VPS13A: variants seen among roughly 807,000 people sequenced by gnomAD.
The protein encoded by VPS13A is intermembrane lipid transfer protein VPS13A.
A neutral mutation model predicts 390.9 loss-of-function variants in VPS13A; 264 were observed. The observed-to-expected ratio is 0.68, with a 90% CI of 0.61 to 0.75. The LOEUF (loss-of-function observed/expected upper bound fraction) is 0.75. Among genes scored for constraint, VPS13A ranks in the 30% least tolerant of loss-of-function variants. The pLI is 0.00. For missense variants in VPS13A, 3,409 were observed against 3,733.9 expected, an observed-to-expected ratio of 0.91 and a Z score of 2.27; for synonymous variants, 1,231 against 1,227.1, an observed-to-expected ratio of 1.00 and a Z score of -0.07.
chr9:77,300,464 G>A (rs1828276030), intron 33 of VPS13A, among the ~76,000 whole-genome samples: 1 of 152,174 alleles, frequency 6.6e-6, no homozygotes, highest in Non-Finnish European at 1.5e-5. Context: ...GGGCACGTTG[G>A]CTTACGCCTG....
chr9:77,277,645 G>T (rs1208104718), intron 26 of VPS13A, among the ~76,000 whole-genome samples: 3 of 152,120 alleles, frequency 2.0e-5, no homozygotes, highest in Non-Finnish European at 4.4e-5. Context: ...AGTTTTACCA[G>T]CATGTCACAT....
At chr9:77,211,653 C>T (rs1825979813) in intron 7 of VPS13A, 1 of 152,152 alleles carries the variant, frequency 6.6e-6, no homozygotes, top group East Asian at 1.9e-4. Flanking sequence ...TACTCAAATA[C>T]TCTCATTAAG....
At position 77,416,038 on chromosome 9, in the gene VPS13A, A is replaced by G; in HGVS notation, c.*32A>G. On this transcript the variant is annotated 3_prime_UTR_variant, in exon 72 of 72. Coordinates refer to ENST00000360280, the MANE Select transcript of VPS13A (RefSeq NM_033305.3). ...ACACTGCCTGAAGACACACAGCAATAAGTGATTACAGCTCCTAGACTACCT... is the reference window on the plus strand; with the variant it reads ...ACACTGCCTGAAGACACACAGCAATGAGTGATTACAGCTCCTAGACTACCT... The G allele has an allele frequency of 6.2e-7, 1 of 1,611,940 alleles. No homozygotes were observed. Among genetic ancestry groups the G allele is most frequent in the Non-Finnish European group, 8.5e-7 (1 of 1,178,244 alleles).
chr9:77,397,133 G>A (rs1158076783), intron 68 of VPS13A, among the ~76,000 whole-genome samples: 1 of 152,076 alleles, frequency 6.6e-6, no homozygotes, highest in East Asian at 1.9e-4. Context: ...GGGATTACAG[G>A]CTCCTGCCAC....
intron 1 of VPS13A, among the ~76,000 whole-genome samples, chr9:77,182,324 C>G (rs1294055912): frequency 6.6e-6 from 1 of 152,176 alleles, no homozygotes; most frequent in Non-Finnish European, 1.5e-5. Context: ...GAACGCCTGA[C>G]CTCAAGTGAT....
chr9:77,217,814 T>G (rs1327371553), intron 10 of VPS13A, among the ~76,000 whole-genome samples: 1 of 151,778 alleles, frequency 6.6e-6, no homozygotes, highest in African/African-American at 2.4e-5. Flanking sequence ...TGGTTTCTTT[T>G]CTTTCGGGTA....
chr9:77,207,233 ATATATATATATATATATAT>A (rs1564630246), intron 5 of VPS13A, among the ~76,000 whole-genome samples: 3 of 106,808 alleles, frequency 2.8e-5, no homozygotes, highest in East Asian at 3.3e-4. Context: ...ATATATATAT[ATATATATATATATATATAT>A]AAAACGTGTT....
intron 22 of VPS13A, among the ~76,000 whole-genome samples, chr9:77,258,766 AAAG>A (rs1825594927): frequency 2.0e-5 from 3 of 152,142 alleles, no homozygotes; most frequent in Admixed American, 2.0e-4. Context: ...GATAAAGATT[AAAG>A]ATCTGTGCGA....
chr9:77,349,903 G>A (rs752405892), intron 52 of VPS13A, among the ~76,000 whole-genome samples: 5 of 151,806 alleles, frequency 3.3e-5, no homozygotes, highest in East Asian at 1.9e-4. Flanking sequence ...CTCGACCTCC[G>A]AAAGTGCTGG....
At chr9:77,330,903 C>T in intron 45 of VPS13A, among the ~76,000 whole-genome samples, 1 of 151,938 alleles carries the variant, frequency 6.6e-6, no homozygotes, top group East Asian at 1.9e-4. Flanking sequence ...ATTTCCAGTA[C>T]CATATTTTAA....
chr9:77,305,369 A>G (rs1828676359), intron 34 of VPS13A, among the ~76,000 whole-genome samples: 1 of 152,242 alleles, frequency 6.6e-6, no homozygotes, highest in Admixed American at 6.5e-5. Context: ...TCTTTTTAAG[A>G]TAAATATTTG....
At chr9:77,235,616 T>A (rs1824099278) in intron 17 of VPS13A, among the ~76,000 whole-genome samples, 1 of 152,192 alleles carries the variant, frequency 6.6e-6, no homozygotes, top group Middle Eastern at 3.2e-3. Context: ...CCATTATTTC[T>A]CCCAGTATTT....
intron 36 of VPS13A, 82 bp from the exon 37 acceptor site, chr9:77,314,413 A>G: frequency 7.1e-7 from 1 of 1,399,450 alleles, no homozygotes; most frequent in Non-Finnish European, 1.0e-6. Flanking sequence ...AGCAGAGGCA[A>G]TAATTTGTAG....
At position 77,280,144 on chromosome 9, in the gene VPS13A, A is replaced by G; in HGVS notation, c.2825-15A>G. 1 of 1,580,502 alleles carries G rather than the reference A, an allele frequency of 6.3e-7. No homozygotes were observed. The highest frequency in any genetic ancestry group is 2.0e-4 in the Middle Eastern group (1 of 5,120). ...CTTTCCGATGAAAAGATAATTTTTA[A>G]AAAATTATTTTTAGATGAAAACAAG... On this transcript the variant is annotated splice_polypyrimidine_tract_variant and intron_variant, in intron 26 of 71. Transcript: ENST00000360280.
chr9:77,412,129 G>A (rs1395510414), intron 71 of VPS13A, among the ~76,000 whole-genome samples: 4 of 152,092 alleles, frequency 2.6e-5, no homozygotes, highest in African/African-American at 7.2e-5. Flanking sequence ...AAAAGTCCAG[G>A]ACCAGATGGA....
chr9:77,407,444 G>T (rs1834677014), intron 70 of VPS13A, 89 bp from the exon 71 acceptor site: 1 of 1,035,020 alleles, frequency 9.7e-7, no homozygotes, highest in African/African-American at 1.6e-5. Flanking sequence ...GGACACTTTA[G>T]GCATACAGTA....
intron 23 of VPS13A, among the ~76,000 whole-genome samples, chr9:77,263,714 T>A (rs1825880974): frequency 6.6e-6 from 1 of 152,200 alleles, no homozygotes; most frequent in African/African-American, 2.4e-5. Flanking sequence ...ACTCTGATGA[T>A]AATTTCTTTT....
rs975807327 is a variant in VPS13A at position 77,416,415 on chromosome 9, A to G, written c.*409A>G. Reference sequence around the variant, plus strand: ...CACATTTTGTACTTCTGTCATGCTTATTTCAAACTCCCTGAGTGATGGGTA... The same window carrying G: ...CACATTTTGTACTTCTGTCATGCTTGTTTCAAACTCCCTGAGTGATGGGTA... On this transcript the variant is annotated 3_prime_UTR_variant, in exon 72 of 72. Transcript: ENST00000360280. 1.1e-5 allele frequency: 2 copies of G among 186,148 alleles called. No homozygotes were observed. The highest frequency in any genetic ancestry group is 2.3e-5 in the Non-Finnish European group (2 of 87,990). 11.5% of individuals were successfully genotyped at this position (186,148 alleles called of 1,614,324 possible). A position where few individuals can be genotyped will look rare whatever the true frequency, so the allele number is the denominator to read the frequency against.
At chr9:77,352,417 C>T (rs189499638) in intron 53 of VPS13A, among the ~76,000 whole-genome samples, 11 of 151,924 alleles carry the variant, frequency 7.2e-5, no homozygotes, top group Admixed American at 5.2e-4. Context: ...GAGGAGTCTG[C>T]TGTGGGTATT....
Sources: allele counts gnomAD v4.1 joint callset (sites outside exome capture counted in the v4.1 genomes callset), GRCh38; gene constraint gnomAD v4.1.1; transcripts MANE v1.5; gene names NCBI Gene and HGNC (gene_info 2026-07-23, HGNC 2026-07-21).